Variants in TRIM51G observed in about 807,000 individuals in gnomAD.
The protein encoded by TRIM51G is tripartite motif-containing protein 51G.
At chr11:48,980,456 C>T in the TRIM51G span, among the ~76,000 whole-genome samples, 142 of 152,080 alleles carry the variant, frequency 9.3e-4, no homozygotes, top group African/African-American at 3.3e-3. Context: ...TCATGCTTTC[C>T]CTAAGGTTGC....
the TRIM51G span, among the ~76,000 whole-genome samples, chr11:48,982,947 G>GTGTGTGTATATATATATA: frequency 5.8e-5 from 5 of 86,138 alleles, no homozygotes; most frequent in African/African-American, 2.3e-4. Context: ...AGTATTTTTG[G>GTGTGTGTATATATATATA]TATATATACA....
At chr11:48,978,176 A>G in the TRIM51G span, 16 of 532,302 alleles carry the variant, frequency 3.0e-5, no homozygotes, top group Admixed American at 7.8e-5. Flanking sequence ...AAAAAAATAG[A>G]AAGGCTTAGT....
chr11:48,978,088 G>A, the TRIM51G span: 1 of 496,222 alleles, frequency 2.0e-6, no homozygotes, highest in Admixed American at 2.2e-5. Context: ...GTTCCTGCTT[G>A]ATATTTGTGG....
the TRIM51G span, chr11:48,975,901 G>A: frequency 1.3e-6 from 1 of 793,210 alleles, no homozygotes; most frequent in African/African-American, 1.7e-5. Flanking sequence ...AGTGATATTG[G>A]GATCATGTTG....
At chr11:48,983,103 T>G in the TRIM51G span, among the ~76,000 whole-genome samples, 2 of 102,744 alleles carry the variant, frequency 1.9e-5, no homozygotes, top group African/African-American at 7.6e-5. Flanking sequence ...TAAACACTGC[T>G]GAATTTAAGT....
At chr11:48,978,125 G>T in the TRIM51G span, 15 of 520,508 alleles carry the variant, frequency 2.9e-5, no homozygotes, top group Non-Finnish European at 5.6e-5. Context: ...CTAAAATCTT[G>T]GTATGTACTC....
chr11:48,975,978 A>C, the TRIM51G span: 3 of 698,532 alleles, frequency 4.3e-6, no homozygotes, highest in Non-Finnish European at 8.0e-6. Flanking sequence ...TGGCTCTTGC[A>C]TGCTGCAGAG....
the TRIM51G span, chr11:48,977,064 T>G: frequency 1.2e-6 from 1 of 862,398 alleles, no homozygotes; most frequent in Non-Finnish European, 2.0e-6. Context: ...GTGGGAATTT[T>G]GCCAATGGGC....
At chr11:48,981,752 G>C in the TRIM51G span, 3 of 1,521,262 alleles carry the variant, frequency 2.0e-6, no homozygotes, top group South Asian at 3.4e-5. Context: ...GTGAAAATCT[G>C]TGAACATATC....
At chr11:48,979,313 T>C in the TRIM51G span, among the ~76,000 whole-genome samples, 1 of 152,192 alleles carries the variant, frequency 6.6e-6, no homozygotes, top group Non-Finnish European at 1.5e-5. Context: ...TAAAATGTTT[T>C]CTAAGATAGT....
chr11:48,976,710 C>A, the TRIM51G span, among the ~76,000 whole-genome samples: 2 of 151,818 alleles, frequency 1.3e-5, no homozygotes, highest in African/African-American at 4.8e-5. Flanking sequence ...AACTCTATTC[C>A]CCAATGAAAT....
chr11:48,979,006 G>A, the TRIM51G span: 286,078 of 1,335,608 alleles, frequency 0.21, 33,602 homozygotes, highest in South Asian at 0.43. Flanking sequence ...CCCTCCTTTT[G>A]CAGCCTCTCC....
chr11:48,983,357 A>T, the TRIM51G span, among the ~76,000 whole-genome samples: 1 of 151,544 alleles, frequency 6.6e-6, no homozygotes, highest in Non-Finnish European at 1.5e-5. Flanking sequence ...TTGCCTCAGT[A>T]ACTTAAAATC....
the TRIM51G span, chr11:48,979,040 GA>G: frequency 8.0e-6 from 8 of 1,002,916 alleles, no homozygotes; most frequent in Non-Finnish European, 1.3e-5. Context: ...CTTCTTCATG[GA>G]AAAATGCAAC....
At chr11:48,978,737 A>T in the TRIM51G span, 1 of 581,482 alleles carries the variant, frequency 1.7e-6, no homozygotes, top group Non-Finnish European at 3.2e-6. Context: ...CCTCCCAACC[A>T]AGTAGCATTA....
At chr11:48,983,380 T>C in the TRIM51G span, among the ~76,000 whole-genome samples, 2 of 151,838 alleles carry the variant, frequency 1.3e-5, no homozygotes, top group African/African-American at 4.8e-5. Flanking sequence ...GTCTAAAAGC[T>C]TAATGTTATG....
chr11:48,978,357 T>C, the TRIM51G span, among the ~76,000 whole-genome samples: 3 of 152,148 alleles, frequency 2.0e-5, no homozygotes, highest in African/African-American at 4.8e-5. Context: ...AAGTCTAAGT[T>C]TTGAAGACAT....
chr11:48,977,490 A>T, the TRIM51G span, among the ~76,000 whole-genome samples: 1 of 152,124 alleles, frequency 6.6e-6, no homozygotes, highest in Non-Finnish European at 1.5e-5. Flanking sequence ...CCTCACCAGA[A>T]ATTCCTGAAA....
At chr11:48,976,935 C>G in the TRIM51G span, 9 of 507,486 alleles carry the variant, frequency 1.8e-5, no homozygotes, top group African/African-American at 1.2e-4. Flanking sequence ...GGACTATAAA[C>G]AGAAACACAG....
Sources: gnomAD v4.1 joint callset for allele counts (sites outside exome capture counted in the v4.1 genomes callset) on GRCh38, gnomAD v4.1.1 for gene constraint, MANE v1.5 for transcripts, NCBI Gene and HGNC (gene_info 2026-07-23, HGNC 2026-07-21) for gene names.